DPYD: variants seen among roughly 807,000 people sequenced by gnomAD.
DPYD encodes dihydropyrimidine dehydrogenase [NADP(+)].
DPYD carries 109 observed loss-of-function variants against 116.2 expected under a neutral mutation model. The ratio of observed to expected loss-of-function variants is 0.94; its 90% CI spans 0.80 to 1.10. DPYD has a LOEUF of 1.10. Among genes scored for constraint, DPYD ranks in the 50% least tolerant of loss-of-function variants. DPYD has a pLI of 0.00. For missense variants in DPYD, 1,302 were observed against 1,254.5 expected (o/e 1.04, Z -0.57); for synonymous variants, 440 against 432.0 (o/e 1.02, Z -0.23).
At chr1:97,748,411 AC>A (rs957398608) in intron 3 of DPYD, among the ~76,000 whole-genome samples, 2 of 152,062 alleles carry the variant, frequency 1.3e-5, no homozygotes, top group Non-Finnish European at 2.9e-5. Context: ...GATAGAGACC[AC>A]CCTGGCTAAC....
At chr1:97,204,758 A>C (rs1659476199) in intron 19 of DPYD, among the ~76,000 whole-genome samples, 1 of 152,078 alleles carries the variant, frequency 6.6e-6, no homozygotes, top group Non-Finnish European at 1.5e-5. Context: ...ATGCATTCCA[A>C]AATGCTCCGT....
At chr1:97,343,563 A>G (rs1669691373) in intron 16 of DPYD, among the ~76,000 whole-genome samples, 7 of 152,174 alleles carry the variant, frequency 4.6e-5, no homozygotes, top group Admixed American at 4.6e-4. Context: ...CTTCTATAGC[A>G]GCAAAATAAT....
rs56943072 is a variant in DPYD, at chr1:97,437,906, T to C, written c.1905+12153A>G. Among the ~76,000 whole-genome samples, 742 of 152,150 alleles carry C rather than the reference T, an allele frequency of 4.9e-3. 6 individuals are homozygous for C. The highest frequency in any genetic ancestry group is 0.017 in the African/African-American group (719 of 41,568). On this transcript the variant is annotated intron_variant, in intron 14 of 22. Coordinates refer to ENST00000370192, the MANE Select transcript of DPYD (RefSeq NM_000110.4). ...ATTTTAAGTTAACTTCTATATATCA[T>C]GTGAGATCTGAATCAAGGCTTACTT...
intron 13 of DPYD, among the ~76,000 whole-genome samples, chr1:97,490,640 G>A (rs1468858002): frequency 6.6e-6 from 1 of 150,974 alleles, no homozygotes; most frequent in Non-Finnish European, 1.5e-5. Context: ...AACACAAATT[G>A]GTACATCTGG....
At chr1:97,496,913 A>G (rs927612787) in intron 13 of DPYD, among the ~76,000 whole-genome samples, 5 of 151,910 alleles carry the variant, frequency 3.3e-5, no homozygotes, top group Admixed American at 2.6e-4. Flanking sequence ...CTATAAAAAT[A>G]CAATGCTAAG....
At chr1:97,847,990 C>T (rs77039014) in intron 2 of DPYD, among the ~76,000 whole-genome samples, 8,584 of 152,118 alleles carry the variant, frequency 0.056, 314 homozygotes, top group South Asian at 0.1. Flanking sequence ...GTGAAACCCA[C>T]AAAGAACATA....
At chr1:97,600,555 C>T (rs949048462) in intron 8 of DPYD, among the ~76,000 whole-genome samples, 12 of 152,132 alleles carry the variant, frequency 7.9e-5, no homozygotes, top group African/African-American at 2.7e-4. Flanking sequence ...TGAAGTCAGA[C>T]TTCCTGCATT....
chr1:97,553,863 T>C (rs1323719633), intron 11 of DPYD, among the ~76,000 whole-genome samples: 1 of 152,046 alleles, frequency 6.6e-6, no homozygotes, highest in East Asian at 1.9e-4. Context: ...GAAGAGAAAT[T>C]TGTTAAATGA....
chr1:97,410,898 G>A (rs1170252858), intron 14 of DPYD, among the ~76,000 whole-genome samples: 1 of 152,048 alleles, frequency 6.6e-6, no homozygotes, highest in Non-Finnish European at 1.5e-5. Flanking sequence ...AAAGTTCCTA[G>A]AACTGTGAGC....
At chr1:97,317,211 C>T (rs924435286) in intron 16 of DPYD, among the ~76,000 whole-genome samples, 5 of 151,842 alleles carry the variant, frequency 3.3e-5, no homozygotes, top group Admixed American at 3.3e-4. Context: ...AGGGTGTCAT[C>T]CATAGTTTGC....
chr1:97,523,916 T>A (rs1244071780), intron 12 of DPYD, among the ~76,000 whole-genome samples: 1 of 152,150 alleles, frequency 6.6e-6, no homozygotes, highest in Non-Finnish European at 1.5e-5. Flanking sequence ...ACATGATGTA[T>A]GTGCTTAATG....
At chr1:97,488,472 C>T (rs1678778835) in intron 13 of DPYD, among the ~76,000 whole-genome samples, 1 of 152,118 alleles carries the variant, frequency 6.6e-6, no homozygotes, top group Admixed American at 6.5e-5. Flanking sequence ...ATAAGATTGG[C>T]AAATTATATT....
chr1:97,829,834 G>A (rs965777041), intron 2 of DPYD, among the ~76,000 whole-genome samples: 1 of 151,416 alleles, frequency 6.6e-6, no homozygotes, highest in Admixed American at 6.6e-5. Flanking sequence ...GTGCCATGTT[G>A]GCTTGCTGCA....
chr1:97,310,790 C>G (rs1368106176), intron 16 of DPYD, among the ~76,000 whole-genome samples: 2 of 151,842 alleles, frequency 1.3e-5, no homozygotes, highest in East Asian at 3.9e-4. Context: ...TACATTAAAA[C>G]TTGCACATGA....
intron 12 of DPYD, among the ~76,000 whole-genome samples, chr1:97,524,478 T>G (rs1327207107): frequency 6.6e-6 from 1 of 152,166 alleles, no homozygotes; most frequent in East Asian, 1.9e-4. Flanking sequence ...ACAAGGGGCT[T>G]GTGGTAAAGT....
intron 8 of DPYD, among the ~76,000 whole-genome samples, chr1:97,632,007 C>T (rs1183879189): frequency 6.6e-6 from 1 of 151,904 alleles, no homozygotes; most frequent in Non-Finnish European, 1.5e-5. Flanking sequence ...AAAAGGGATG[C>T]CAAAAGTGCA....
intron 18 of DPYD, among the ~76,000 whole-genome samples, chr1:97,300,331 C>A (rs996430344): frequency 7.9e-5 from 12 of 152,026 alleles, no homozygotes; most frequent in East Asian, 1.9e-4. Context: ...AATGTTAAAG[C>A]CTAAGCTCTT....
intron 16 of DPYD, among the ~76,000 whole-genome samples, chr1:97,322,233 A>AT (rs1484974432): frequency 2.0e-5 from 3 of 148,276 alleles, no homozygotes; most frequent in Admixed American, 6.9e-5. Flanking sequence ...TTAAAGTATA[A>AT]TAAAAAAAAA....
chr1:97,489,577 A>G (rs1415682), intron 13 of DPYD, among the ~76,000 whole-genome samples: 27,358 of 152,152 alleles, frequency 0.18, 2,637 homozygotes, highest in East Asian at 0.26. Flanking sequence ...GCCTTGACCT[A>G]TGGTTATTGT....
Sources: allele counts gnomAD v4.1 joint callset (sites outside exome capture counted in the v4.1 genomes callset), GRCh38; gene constraint gnomAD v4.1.1; transcripts MANE v1.5; gene names NCBI Gene and HGNC (gene_info 2026-07-23, HGNC 2026-07-21).